Variants in TMIGD3 observed in about 807,000 individuals in gnomAD.
The protein encoded by TMIGD3 is AD026 protein (AD026).
A neutral mutation model predicts 28.1 loss-of-function variants in TMIGD3; 21 were observed. The observed-to-expected ratio is 0.75, with a 90% CI of 0.53 to 1.08. TMIGD3 has a LOEUF of 1.08. Among genes scored for constraint, TMIGD3 ranks in the 50% least tolerant of loss-of-function variants. TMIGD3 has a pLI of 0.00. For synonymous variants in TMIGD3, 151 were observed against 162.1 expected, an observed-to-expected ratio of 0.93 and a Z score of 0.52; for missense variants, 416 against 435.6, an observed-to-expected ratio of 0.96 and a Z score of 0.40.
intron 1 of TMIGD3, among the ~76,000 whole-genome samples, chr1:111,523,336 C>T (rs1656144334): frequency 6.6e-6 from 1 of 152,170 alleles, no homozygotes; most frequent in African/African-American, 2.4e-5. Context: ...CCCACTTGGA[C>T]ACTATGTACC....
At chr1:111,486,449 A>G (rs1391953436) in intron 4 of TMIGD3, 137 bp downstream of exon 4, 12 of 646,400 alleles carry the variant, frequency 1.9e-5, no homozygotes, top group Admixed American at 7.4e-5. Context: ...TTAAGGATAC[A>G]TAGTTAAGGT....
At chr1:111,506,019 G>A (rs768903277), upstream of TMIGD3, among the ~76,000 whole-genome samples, 7 of 152,080 alleles carry the variant, frequency 4.6e-5, no homozygotes, top group Non-Finnish European at 1.0e-4. Context: ...CTCTTTGTCT[G>A]GTTTGCAGGG....
chr1:111,542,290 G>C (rs1656862848), intron 1 of TMIGD3: 1 of 552,048 alleles, frequency 1.8e-6, no homozygotes, highest in East Asian at 4.7e-5. Flanking sequence ...CTGCCGGTTC[G>C]AACACACGCG....
At chr1:111,518,472 A>G (rs1483822909) in intron 1 of TMIGD3, among the ~76,000 whole-genome samples, 1 of 152,210 alleles carries the variant, frequency 6.6e-6, no homozygotes, top group African/African-American at 2.4e-5. Context: ...CCCACATCCA[A>G]GTCATGACAA....
At chr1:111,548,020 G>T (rs565485094) in intron 1 of TMIGD3, among the ~76,000 whole-genome samples, 307 of 152,180 alleles carry the variant, frequency 2.0e-3, no homozygotes, top group African/African-American at 7.2e-3. Flanking sequence ...TTGTTTGTTT[G>T]TTTGTTTGTT....
chr1:111,490,403 A>G, intron 2 of TMIGD3: 1 of 495,930 alleles, frequency 2.0e-6, no homozygotes, highest in Non-Finnish European at 3.6e-6. Context: ...ATTTCAGTAT[A>G]TGTGCTGCCA....
chr1:111,541,256 T>G (rs1263328691), intron 1 of TMIGD3, among the ~76,000 whole-genome samples: 2 of 152,344 alleles, frequency 1.3e-5, no homozygotes, highest in African/African-American at 2.4e-5. Flanking sequence ...CCATAGAATA[T>G]TTCAGTGAAA....
At chr1:111,492,165 A>G (rs1279706338) in intron 1 of TMIGD3, among the ~76,000 whole-genome samples, 1 of 152,160 alleles carries the variant, frequency 6.6e-6, no homozygotes. Context: ...TCAGAAGTGG[A>G]TCCTCCAGCC....
intron 5 of TMIGD3, among the ~76,000 whole-genome samples, chr1:111,484,862 A>G (rs1654284651): frequency 6.6e-6 from 1 of 152,260 alleles, no homozygotes. Flanking sequence ...TGAGCATAAA[A>G]AGAAAAATGC....
chr1:111,535,596 A>G (rs771115155), intron 1 of TMIGD3, among the ~76,000 whole-genome samples: 8 of 152,252 alleles, frequency 5.3e-5, no homozygotes, highest in East Asian at 1.9e-4. Flanking sequence ...GTGAGGATAC[A>G]GCGTTTAATT....
intron 2 of TMIGD3, chr1:111,489,602 T>C (rs1654557593): frequency 8.8e-7 from 1 of 1,139,730 alleles, no homozygotes; most frequent in Non-Finnish European, 1.1e-6. Flanking sequence ...GGCCTAAGGG[T>C]GGGTGAAATA....
chr1:111,506,847 G>T (rs747545968), upstream of TMIGD3, among the ~76,000 whole-genome samples: 21 of 148,770 alleles, frequency 1.4e-4, no homozygotes, highest in Non-Finnish European at 2.7e-4. Flanking sequence ...GGGCCAGAAA[G>T]GAAACCATTT....
At chr1:111,524,028 C>CTTTT (rs35046603) in intron 1 of TMIGD3, among the ~76,000 whole-genome samples, 15 of 108,792 alleles carry the variant, frequency 1.4e-4, no homozygotes, top group South Asian at 3.2e-4. Context: ...TCTTTCTTTT[C>CTTTT]TTTTTTTTTT....
intron 2 of TMIGD3, 151 bp downstream of exon 2, chr1:111,490,505 G>A (rs1057300091): frequency 8.1e-6 from 5 of 614,830 alleles, no homozygotes; most frequent in Admixed American, 2.9e-5. Flanking sequence ...ATATGGACAA[G>A]ACCTATTTTC....
intron 1 of TMIGD3, among the ~76,000 whole-genome samples, chr1:111,555,081 G>T (rs566257815): frequency 6.6e-6 from 1 of 152,024 alleles, no homozygotes; most frequent in East Asian, 1.9e-4. Flanking sequence ...AAATGATCAG[G>T]CAGGCGGGGC....
At chr1:111,488,522 C>T (rs1417919597) in intron 3 of TMIGD3, among the ~76,000 whole-genome samples, 155 bp downstream of exon 3, 1 of 152,180 alleles carries the variant, frequency 6.6e-6, no homozygotes, top group East Asian at 1.9e-4. Flanking sequence ...TTAATGACCA[C>T]CCTATGTTTG....
At chr1:111,524,272 G>A (rs1254830189) in intron 1 of TMIGD3, among the ~76,000 whole-genome samples, 1 of 151,882 alleles carries the variant, frequency 6.6e-6, no homozygotes, top group Admixed American at 6.6e-5. Flanking sequence ...CTTGTGATCT[G>A]CCTGCCTTAG....
At position 111,560,165 on chromosome 1, in the gene TMIGD3, A is replaced by G. The variant is rs1263947577; in HGVS notation, c.107+3681T>C. On this transcript the variant is annotated intron_variant, in intron 1 of 5. Transcript: ENST00000369717. ...AAATTGTCTAGCATTCTCTTAGCAT[A>G]CTTATCTAAACACATGAGATCACAA... 2.6e-5 allele frequency among the ~76,000 whole-genome samples: 4 copies of G among 152,336 alleles called. No homozygotes were observed. The East Asian group carries it at 7.7e-4, about 29-fold the overall frequency.
chr1:111,512,732 AG>A (rs1212354479), intron 1 of TMIGD3, among the ~76,000 whole-genome samples: 1 of 152,214 alleles, frequency 6.6e-6, no homozygotes, highest in African/African-American at 2.4e-5. Flanking sequence ...GTTGAATTAA[AG>A]GAAAGTCATT....
Sources: gnomAD v4.1 joint callset for allele counts (sites outside exome capture counted in the v4.1 genomes callset) on GRCh38, gnomAD v4.1.1 for gene constraint, MANE v1.5 for transcripts, NCBI Gene and HGNC (gene_info 2026-07-23, HGNC 2026-07-21) for gene names.